Variants in HCFC2 observed in about 807,000 individuals in gnomAD.
HCFC2 encodes host cell factor 2.
A neutral mutation model predicts 89.2 loss-of-function variants in HCFC2; 18 were observed. The ratio of observed to expected loss-of-function variants is 0.20; its 90% CI spans 0.14 to 0.30. The LOEUF is 0.30. Among genes scored for constraint, HCFC2 ranks in the 10% least tolerant of loss-of-function variants. HCFC2 has a pLI of 1.00. For missense variants in HCFC2, 578 were observed against 956.1 expected (o/e 0.60, Z 5.21); for synonymous variants, 308 against 335.7 (o/e 0.92, Z 0.90).
chr12:104,102,016 C>T lies in HCFC2; in HGVS notation c.1927C>T (p.Leu643Phe). The T allele has an allele frequency of 1.2e-6, 2 of 1,612,752 alleles. No homozygotes were observed. Among genetic ancestry groups the T allele is most frequent in the Middle Eastern group, 1.7e-4 (1 of 6,056 alleles). Residue 643 changes from leucine (L) to phenylalanine (F), a missense_variant, in exon 14 of 15, where the codon CTT (leucine) becomes TTT (phenylalanine). Transcript: ENST00000229330. ...PDYSLLKKQD[L>F]VPGTGYRFRV... ...CTACAGCTTGCTTAAGAAACAAGAT[C>T]TTGTTCCAGGCACAGGATACAGATT...
Position 104,082,540 on chromosome 12 carries a change from A to G in HCFC2, c.808A>G (p.Asn270Asp). ...TGGATGGGTCCCACATAAGGGGGAAAATACTGAGACTTCACCTCATGATTG... is the reference window on the plus strand; with the variant it reads ...TGGATGGGTCCCACATAAGGGGGAAGATACTGAGACTTCACCTCATGATTG... ...FGGWVPHKGE[N>D]TETSPHDCEW... is the part of the protein sequence containing the mutation. Residue 270 changes from asparagine (N) to aspartate (D), a missense_variant, in exon 6 of 15, where the codon AAT becomes GAT. By Grantham distance (23) the Asn-to-Asp change is conservative (BLOSUM62 1). Around this residue, in one of 4 missense-constraint regions of HCFC2, gnomAD observed 206 missense variants for 419.2 expected, o/e 0.49. Coordinates refer to ENST00000229330, the MANE Select transcript of HCFC2 (RefSeq NM_013320.3). The G allele has an allele frequency of 6.2e-7, 1 of 1,613,746 alleles. No homozygotes were observed. The highest frequency in any genetic ancestry group is 1.7e-5 in the Admixed American group (1 of 60,022).
chr12:104,087,484 T>TATATATACATATATATATATAC (rs1883902551), intron 8 of HCFC2, among the ~76,000 whole-genome samples: 3 of 140,938 alleles, frequency 2.1e-5, no homozygotes. Context: ...TATATATATA[T>TATATATACATATATATATATAC]GTATATATAT....
Position 104,064,731 on chromosome 12 carries a change from C to G in HCFC2, c.163+8C>G. The G allele has an allele frequency of 6.5e-7, 1 of 1,544,792 alleles. No individual in the cohort carries two copies. Among genetic ancestry groups the G allele is most frequent in the Non-Finnish European group, 8.7e-7 (1 of 1,148,238 alleles). On this transcript the variant is annotated splice_region_variant and intron_variant, in intron 1 of 14. Coordinates refer to ENST00000229330, the MANE Select transcript of HCFC2 (RefSeq NM_013320.3). The surrounding 1 kb of genome is among the most constrained non-coding windows in gnomAD (Gnocchi z 7.3). ...TGCACGTCTACAACACGGGTAGGCG[C>G]GGCGGCGGCTCGTCGGCCCCGCCTG...
intron 3 of HCFC2, among the ~76,000 whole-genome samples, chr12:104,077,399 C>T (rs1159815435): frequency 2.2e-4 from 34 of 151,824 alleles, no homozygotes; most frequent in African/African-American, 7.5e-4. Context: ...CCCACCACCA[C>T]GCCCAGCTAA....
At chr12:104,096,262 G>A (rs1451736025) in intron 11 of HCFC2, 98 bp from the exon 12 acceptor site, 1 of 761,844 alleles carries the variant, frequency 1.3e-6, no homozygotes, top group Admixed American at 3.0e-5. Context: ...CCATTTTTAA[G>A]TTTACAGTTG....
Position 104,082,496 on chromosome 12 carries a change from T to C in HCFC2, c.768-4T>C, listed in dbSNP as rs1462094792. 2 of 1,571,182 alleles carry C rather than the reference T, an allele frequency of 1.3e-6. No individual in the cohort carries two copies. Among genetic ancestry groups the C allele is most frequent in the Non-Finnish European group, 1.8e-6 (2 of 1,141,604 alleles). ...CTTTATGTTTTTGTTTTGTTGTTGC[T>C]CAGGATGTACATTTTTGGTGGATGG... is the stretch of plus-strand genomic sequence containing the variant. On this transcript the variant is annotated splice_polypyrimidine_tract_variant and splice_region_variant and intron_variant, in intron 5 of 14. Transcript: ENST00000229330.
rs1322356936 is a variant in HCFC2 at position 104,086,987 on chromosome 12, G to C, written c.1204G>C (p.Asp402His). 1 of 1,613,870 alleles carries C rather than the reference G, an allele frequency of 6.2e-7. No homozygotes were observed. Among genetic ancestry groups the C allele is most frequent in the Admixed American group, 1.7e-5 (1 of 60,006 alleles). The change falls in exon 8 of 15, where the codon GAT becomes CAT. Residue 402 changes from aspartate to histidine, a missense_variant. This residue lies in a region of HCFC2 where 210 missense variants were observed against 251.7 expected (regional missense o/e 0.83). Coordinates refer to ENST00000229330, the MANE Select transcript of HCFC2 (RefSeq NM_013320.3). ...CTTGCCATACCAAGCTGCATCATCA[G>C]ATTCTTCAGCAGCACCAAATATGCA... is the stretch of plus-strand genomic sequence containing the variant. ...TDLPYQAASS[D>H]SSAAPNMQGV...
intron 3 of HCFC2, among the ~76,000 whole-genome samples, chr12:104,074,407 A>T (rs941932384): frequency 6.6e-6 from 1 of 151,970 alleles, no homozygotes; most frequent in African/African-American, 2.4e-5. Flanking sequence ...TGATCCTCCC[A>T]CCTTGGCCTC....
chr12:104,095,685 T>G lies in HCFC2; in HGVS notation c.1666+122T>G. On this transcript the variant is annotated intron_variant, in intron 11 of 14. Transcript: ENST00000229330. The surrounding 1 kb of genome is among the most constrained non-coding windows in gnomAD (Gnocchi z 4.2). ...AATTTTGTTATTAGTCATTTTAACT[T>G]AATTTCTGTGAGCAAGAGTTTTCAT... 1.4e-6 allele frequency: 1 copy of G among 710,808 alleles called. No homozygotes were observed. The highest frequency in any genetic ancestry group is 1.8e-5 in the African/African-American group (1 of 55,966). 44.0% of individuals were successfully genotyped at this position (710,808 alleles called of 1,614,324 possible).
intron 7 of HCFC2, among the ~76,000 whole-genome samples, chr12:104,086,566 T>C (rs1281193809): frequency 6.6e-6 from 1 of 151,964 alleles, no homozygotes; most frequent in Non-Finnish European, 1.5e-5. Flanking sequence ...AAGACTCATA[T>C]AGTTTGGTAG....
Position 104,103,249 on chromosome 12 carries a change from CAATA to C in HCFC2, c.2357_2360del (p.Asn786ArgfsTer5). 6.2e-7 allele frequency: 1 copy of C among 1,611,314 alleles called. No homozygotes were observed. The highest frequency in any genetic ancestry group is 8.5e-7 in the Non-Finnish European group (1 of 1,177,896). On this transcript the variant is annotated frameshift_variant, in exon 15 of 15. Coordinates refer to ENST00000229330, the MANE Select transcript of HCFC2 (RefSeq NM_013320.3). LOFTEE classifies it high-confidence loss of function. ...CACAAGTTCGGTGGCTTCAAGGTAA[CAATA>C]AGAAAGCACCTTTAAATTGAATTGG... is the stretch of plus-strand genomic sequence containing the variant.
At position 104,093,572 on chromosome 12, in the gene HCFC2, A is replaced by T. The variant is rs1158769278; in HGVS notation, c.1462+9A>T. 6.3e-7 allele frequency: 1 copy of T among 1,587,808 alleles called. No individual in the cohort carries two copies. On this transcript the variant is annotated intron_variant, in intron 10 of 14. Coordinates refer to ENST00000229330, the MANE Select transcript of HCFC2 (RefSeq NM_013320.3). ...GCTAAGGAAAAATGAAGGTATATGG[A>T]TGACATTTTAAACTAAAGCTTTTTA...
Position 104,079,607 on chromosome 12 carries a change from T to A in HCFC2, c.636T>A (p.Gly212=). The A allele has an allele frequency of 6.2e-7, 1 of 1,614,084 alleles. No homozygotes were observed. Among genetic ancestry groups the A allele is most frequent in the Middle Eastern group, 1.6e-4 (1 of 6,062 alleles). Residue 212 remains glycine (G), a synonymous_variant, in exon 4 of 15, where the codon GGT becomes GGA. Transcript: ENST00000229330. ...DSGSPKMYVF[G]GMCGARLDDL... ...GAAGTCCTAAAATGTATGTTTTTGG[T>A]GGAATGTGTGGTGCTCGCCTGGATG...
At chr12:104,091,048 A>G (rs1461977356) in intron 9 of HCFC2, 1 of 152,212 alleles carries the variant, frequency 6.6e-6, no homozygotes, top group East Asian at 1.9e-4. Flanking sequence ...CTGGGAGCTT[A>G]GTAAGGGGAT....
intron 9 of HCFC2, among the ~76,000 whole-genome samples, chr12:104,091,672 A>G (rs1884026630): frequency 6.6e-6 from 1 of 152,206 alleles, no homozygotes; most frequent in Admixed American, 6.5e-5. Flanking sequence ...TTTTAAGCAA[A>G]AAGCACATTC....
intron 7 of HCFC2, 69 bp from the exon 8 acceptor site, chr12:104,086,778 C>A: frequency 7.0e-7 from 1 of 1,424,838 alleles, no homozygotes; most frequent in South Asian, 1.3e-5. Flanking sequence ...CTCTGGTCCA[C>A]ACAAATTATA....
At position 104,102,941 on chromosome 12, in the gene HCFC2, T is replaced by C; in HGVS notation, c.2065-18T>C. The C allele has an allele frequency of 6.3e-7, 1 of 1,589,362 alleles. No homozygotes were observed. Among genetic ancestry groups the C allele is most frequent in the East Asian group, 2.3e-5 (1 of 44,274 alleles). On this transcript the variant is annotated intron_variant, in intron 14 of 14. Transcript: ENST00000229330. ...AAACTTAAGAACCTTTAACCTGTTT[T>C]TTCCCCCCCCCTTCAAGAATGTTGA...
Position 104,105,091 on chromosome 12 carries a change from T to C in HCFC2, c.*1818T>C, listed in dbSNP as rs1341476894. 1 of 152,054 alleles carries C rather than the reference T, an allele frequency of 6.6e-6. No homozygotes were observed. The highest frequency in any genetic ancestry group is 2.4e-5 in the African/African-American group (1 of 41,448). The allele number at this position is 152,054 out of a possible 1,614,324, so 9.4% of individuals were successfully genotyped here. A position where few individuals can be genotyped will look rare whatever the true frequency, so the allele number is the denominator to read the frequency against. On this transcript the variant is annotated 3_prime_UTR_variant, in exon 15 of 15. Transcript: ENST00000229330. The stretch of plus-strand genomic sequence containing the variant: ...ATTTGTCTAGCTTCTGTAATGTATC[T>C]GATATAGGCTAAACAAATACTTAAC...
At chr12:104,076,685 T>C (rs1883504079) in intron 3 of HCFC2, among the ~76,000 whole-genome samples, 1 of 152,116 alleles carries the variant, frequency 6.6e-6, no homozygotes, top group Admixed American at 6.5e-5. Context: ...ATTTTGTATT[T>C]TGTTTCCTCT....
Sources: allele counts gnomAD v4.1 joint callset (sites outside exome capture counted in the v4.1 genomes callset), GRCh38; gene constraint gnomAD v4.1.1; regional missense constraint gnomAD v4.1.1; non-coding constraint Gnocchi (gnomAD v3.1); transcripts MANE v1.5; gene names NCBI Gene and HGNC (gene_info 2026-07-23, HGNC 2026-07-21).